Variants in PCDHA3 observed in about 807,000 individuals in gnomAD.
The protein encoded by PCDHA3 is protocadherin alpha 3, also known as protocadherin alpha-3.
Under a neutral mutation model 62.2 loss-of-function variants are expected in PCDHA3, and 41 were observed. That is an observed-to-expected ratio of 0.66 (90% CI 0.51 to 0.86). The LOEUF is 0.86. Among genes scored for constraint, PCDHA3 ranks in the 40% least tolerant of loss-of-function variants. The probability of loss-of-function intolerance (pLI) is 0.00; values close to 1 mark genes in which losing one functional copy is unlikely to be tolerated. For synonymous variants in PCDHA3, 640 were observed against 555.4 expected (o/e 1.15, Z -2.14); for missense variants, 1,304 against 1,241.2 (o/e 1.05, Z -0.76).
rs781900612 is a variant in PCDHA3 at position 140,801,462 on chromosome 5, C to T, written c.265C>T (p.Arg89Trp). The change falls in exon 1 of 4, where the codon CGG (arginine) becomes TGG (tryptophan). Residue 89 changes from arginine to tryptophan, a missense_variant. Physicochemically the swap from Arg to Trp is moderately radical, Grantham distance 101. Coordinates refer to ENST00000522353, the MANE Select transcript of PCDHA3 (RefSeq NM_018906.3). ...GAATGGCATTTTGTTTGTGAATTCT[C>T]GGATAGACCGCGAGGAACTGTGCGG... ...LQNGILFVNSRIDREELCGRS... is the reference protein window; with the variant it reads ...LQNGILFVNSWIDREELCGRS... The T allele has an allele frequency of 2.5e-6, 4 of 1,614,008 alleles. No individual in the cohort carries two copies. Among genetic ancestry groups the T allele is most frequent in the South Asian group, 2.2e-5 (2 of 91,066 alleles).
At chr5:140,842,527 G>T in intron 1 of PCDHA3, 1 of 1,613,310 alleles carries the variant, frequency 6.2e-7, no homozygotes, top group Non-Finnish European at 8.5e-7. Flanking sequence ...CCACCTTCAA[G>T]AATTACTACT....
Position 140,803,564 on chromosome 5 carries a change from G to A in PCDHA3, c.2367G>A (p.Gln789=), listed in dbSNP as rs1239467423. 1.2e-6 allele frequency: 2 copies of A among 1,614,082 alleles called. No individual in the cohort carries two copies. The highest frequency in any genetic ancestry group is 1.3e-5 in the African/African-American group (1 of 74,938). ...TTAGCCGGGATAGAGAGGAGAAACA[G>A]GATGTGGACGTTGATCTCTCAGCCA... ...CPISRDREEK[Q]DVDVDLSAKP... Residue 789 remains glutamine, a synonymous_variant, in exon 1 of 4, where the codon CAG becomes CAA. Transcript: ENST00000522353.
chr5:140,808,718 C>T (rs1288388505), intron 1 of PCDHA3: 1 of 1,612,082 alleles, frequency 6.2e-7, no homozygotes, highest in Non-Finnish European at 8.5e-7. Flanking sequence ...CGTTTCGGTG[C>T]ATGCGGAGAG....
chr5:141,000,734 T>A (rs1221425075), intron 3 of PCDHA3, among the ~76,000 whole-genome samples: 4 of 150,588 alleles, frequency 2.7e-5, no homozygotes, highest in Non-Finnish European at 4.4e-5. Flanking sequence ...GGCCCCTATC[T>A]CTGTATATTA....
chr5:140,857,826 T>G, intron 1 of PCDHA3: 1 of 1,597,464 alleles, frequency 6.3e-7, no homozygotes, highest in Non-Finnish European at 8.6e-7. Context: ...GTGGCTAAGG[T>G]GCGCGCAGTG....
At chr5:140,986,460 G>A (rs1489873666) in intron 3 of PCDHA3, among the ~76,000 whole-genome samples, 1 of 152,176 alleles carries the variant, frequency 6.6e-6, no homozygotes, top group Admixed American at 6.5e-5. Flanking sequence ...TTTAATGAAT[G>A]CCCTCTTGTG....
intron 1 of PCDHA3, among the ~76,000 whole-genome samples, chr5:140,840,447 C>T (rs1442089035): frequency 1.3e-5 from 2 of 151,740 alleles, no homozygotes; most frequent in East Asian, 1.9e-4. Flanking sequence ...GAAATAGAAA[C>T]GTTAAATAAA....
At chr5:140,835,706 G>A in intron 1 of PCDHA3, 1 of 1,613,896 alleles carries the variant, frequency 6.2e-7, no homozygotes, top group Non-Finnish European at 8.5e-7. Context: ...CTGCTAGCGT[G>A]TCCGTGGAGG....
chr5:140,822,432 C>T, intron 1 of PCDHA3: 2 of 1,613,792 alleles, frequency 1.2e-6, no homozygotes, highest in East Asian at 2.2e-5. Context: ...GAGGAAAACC[C>T]GAACTAACAG....
chr5:140,912,163 G>T (rs1018826504), intron 1 of PCDHA3, among the ~76,000 whole-genome samples: 4 of 152,092 alleles, frequency 2.6e-5, no homozygotes, highest in African/African-American at 9.7e-5. Context: ...TTTTATTCTG[G>T]CTGTGCTGGC....
intron 1 of PCDHA3, chr5:140,848,371 A>T: frequency 8.8e-7 from 1 of 1,131,148 alleles, no homozygotes; most frequent in Non-Finnish European, 1.3e-6. Context: ...AAAGAGGCTC[A>T]ATTCTTTTTC....
intron 1 of PCDHA3, among the ~76,000 whole-genome samples, chr5:140,956,473 A>G (rs1269855039): frequency 1.1e-4 from 17 of 152,136 alleles, no homozygotes; most frequent in Admixed American, 1.1e-3. Context: ...CATATGTTGA[A>G]CCAGTCTTGC....
chr5:141,006,429 G>C (rs541690957), intron 3 of PCDHA3, among the ~76,000 whole-genome samples: 7 of 152,004 alleles, frequency 4.6e-5, no homozygotes, highest in Non-Finnish European at 1.0e-4. Flanking sequence ...TAGCCAGGAT[G>C]GTCTCAATCT....
chr5:140,845,861 C>T (rs1050084373), intron 1 of PCDHA3, among the ~76,000 whole-genome samples: 4 of 149,638 alleles, frequency 2.7e-5, no homozygotes, highest in Middle Eastern at 3.5e-3. Context: ...TTAGTGATTG[C>T]AGAAAGGCAA....
chr5:140,955,585 T>G (rs1438222402), intron 1 of PCDHA3, among the ~76,000 whole-genome samples: 1 of 152,198 alleles, frequency 6.6e-6, no homozygotes, highest in African/African-American at 2.4e-5. Context: ...CAATTAAACC[T>G]CTTTCTTTTA....
intron 1 of PCDHA3, among the ~76,000 whole-genome samples, chr5:140,973,225 G>A (rs1554235003): frequency 6.6e-6 from 1 of 152,180 alleles, no homozygotes; most frequent in African/African-American, 2.4e-5. Flanking sequence ...TCCAGGTATA[G>A]TGACCTGAAA....
intron 1 of PCDHA3, chr5:140,828,051 C>A (rs2150150373): frequency 6.5e-7 from 1 of 1,545,276 alleles, no homozygotes. Flanking sequence ...TATCTTTATG[C>A]GGAAGATCTT....
In PCDHA3 at chr5:140,829,466, G is replaced by A. The variant is rs2150168443; in HGVS notation, c.2394+25875G>A. 7 of 1,613,764 alleles carry A rather than the reference G, an allele frequency of 4.3e-6. No individual in the cohort carries two copies. The Admixed American group carries it at 5.0e-5, about 12-fold the overall frequency. ...CAATGCTCCGGCGTTCGCGCAGCCC[G>A]AGTACACAGTGTTCGTGAAGGAGAA... On this transcript the variant is annotated intron_variant, in intron 1 of 3. Transcript: ENST00000522353.
At chr5:140,844,452 G>A (rs1403381555) in intron 1 of PCDHA3, among the ~76,000 whole-genome samples, 2 of 148,572 alleles carry the variant, frequency 1.3e-5, no homozygotes, top group South Asian at 2.1e-4. Context: ...TTGTATTGTC[G>A]CCAACTTAAC....
Sources: gnomAD v4.1 joint callset for allele counts (sites outside exome capture counted in the v4.1 genomes callset) on GRCh38, gnomAD v4.1.1 for gene constraint, MANE v1.5 for transcripts, NCBI Gene and HGNC (gene_info 2026-07-23, HGNC 2026-07-21) for gene names.